Variants in NETO2 observed in about 807,000 individuals in gnomAD.
NETO2 encodes the protein neuropilin and tolloid like 2.
NETO2 carries 28 observed loss-of-function variants against 62.5 expected under a neutral mutation model. That is an observed-to-expected ratio of 0.45 (90% CI 0.33 to 0.61). The LOEUF is 0.61. Ranked by LOEUF, NETO2 falls within the 20% of genes least tolerant of loss-of-function variation. The pLI is 0.02. For synonymous variants in NETO2, 214 were observed against 219.1 expected (o/e 0.98, Z 0.21); for missense variants, 548 against 643.2 (o/e 0.85, Z 1.60).
At chr16:47,119,269 A>G (rs1461020160) in intron 6 of NETO2, among the ~76,000 whole-genome samples, 1 of 150,866 alleles carries the variant, frequency 6.6e-6, no homozygotes, top group Admixed American at 6.6e-5. Context: ...CTCCTGCCTC[A>G]GCCTCCTGAG....
chr16:47,083,190 C>G lies in NETO2; in HGVS notation c.*31G>C, dbSNP rs780988845. 1 of 1,572,406 alleles carries G rather than the reference C, an allele frequency of 6.4e-7. No individual in the cohort carries two copies. Among genetic ancestry groups the G allele is most frequent in the South Asian group, 1.2e-5 (1 of 83,266 alleles). ...CCCTGGAGGCTGCGTACGTACACACCCTAAGAATTCACATCACCATTAGCA... is the reference window on the plus strand; with the variant it reads ...CCCTGGAGGCTGCGTACGTACACACGCTAAGAATTCACATCACCATTAGCA... On this transcript the variant is annotated 3_prime_UTR_variant, in exon 9 of 9. Coordinates refer to ENST00000562435, the MANE Select transcript of NETO2 (RefSeq NM_018092.5).
At position 47,122,756 on chromosome 16, in the gene NETO2, A is replaced by C. The variant is rs751371263; in HGVS notation, c.555T>G (p.Asp185Glu). The stretch of plus-strand genomic sequence containing the variant: ...CTACCTGACTAGAGCGCACTATTCC[A>C]TCAGCTCCCGAGAGCTCGAACTGAC... ...PDCQFELSGA[D>E]GIVRSSQVEQ... The change falls in exon 6 of 9, where the codon GAT becomes GAG. Residue 185 changes from aspartate (D) to glutamate (E), a missense_variant. By Grantham distance (45) the Asp-to-Glu change is conservative. Coordinates refer to ENST00000562435, the MANE Select transcript of NETO2 (RefSeq NM_018092.5). 2 of 1,614,098 alleles carry C rather than the reference A, an allele frequency of 1.2e-6. No individual in the cohort carries two copies. Among genetic ancestry groups the C allele is most frequent in the Non-Finnish European group, 1.7e-6 (2 of 1,180,006 alleles).
intron 4 of NETO2, among the ~76,000 whole-genome samples, chr16:47,127,856 C>T (rs1186907960): frequency 6.6e-6 from 1 of 152,152 alleles, no homozygotes; most frequent in African/African-American, 2.4e-5. Context: ...GAATTCAAAC[C>T]CAGATCTTTG....
intron 7 of NETO2, among the ~76,000 whole-genome samples, chr16:47,094,124 A>C (rs1397130281): frequency 6.6e-6 from 1 of 152,206 alleles, no homozygotes; most frequent in Non-Finnish European, 1.5e-5. Flanking sequence ...ATGTAGATTA[A>C]AGTTAAGGGC....
At chr16:47,112,481 C>T (rs1352605192) in intron 6 of NETO2, among the ~76,000 whole-genome samples, 1 of 152,200 alleles carries the variant, frequency 6.6e-6, no homozygotes, top group African/African-American at 2.4e-5. Context: ...GCCTCAGCCT[C>T]CTGAGTAGTT....
At chr16:47,115,278 T>C (rs764846130) in intron 6 of NETO2, among the ~76,000 whole-genome samples, 1 of 152,204 alleles carries the variant, frequency 6.6e-6, no homozygotes, top group Non-Finnish European at 1.5e-5. Context: ...AATATAGCTG[T>C]GATTTTGATT....
chr16:47,085,381 T>C (rs1362044497), intron 8 of NETO2, among the ~76,000 whole-genome samples: 1 of 143,756 alleles, frequency 7.0e-6, no homozygotes, highest in Non-Finnish European at 1.5e-5. Flanking sequence ...CACGATATAC[T>C]TTTTTTTTTT....
intron 1 of NETO2, among the ~76,000 whole-genome samples, chr16:47,137,962 C>G (rs989417017): frequency 1.1e-4 from 17 of 152,216 alleles, no homozygotes; most frequent in Admixed American, 1.1e-3. Context: ...CACTACCCAG[C>G]TGTGAGAGGC....
chr16:47,083,697 C>T lies in NETO2; in HGVS notation c.1102G>A (p.Val368Ile). The T allele has an allele frequency of 6.2e-7, 1 of 1,614,084 alleles. No homozygotes were observed. The highest frequency in any genetic ancestry group is 8.5e-7 in the Non-Finnish European group (1 of 1,180,004). The change falls in exon 9 of 9, where the codon GTA (valine) becomes ATA (isoleucine). Residue 368 changes from valine to isoleucine, a missense_variant. Coordinates refer to ENST00000562435, the MANE Select transcript of NETO2 (RefSeq NM_018092.5). The part of the protein sequence containing the change: ...VLVLLIISIL[V>I]QVKQPRKKVM... ...TTTTTTCGAGGCTGTTTCACTTGTA[C>T]TAAAATAGAAATAATGAGAAGGACC...
chr16:47,140,743 T>A (rs1161962411), intron 1 of NETO2, among the ~76,000 whole-genome samples: 1 of 152,338 alleles, frequency 6.6e-6, no homozygotes, highest in East Asian at 1.9e-4. Context: ...GTATAACTAG[T>A]TTATAGTCCT....
intron 4 of NETO2, among the ~76,000 whole-genome samples, chr16:47,126,095 C>G (rs1457917340): frequency 6.6e-6 from 1 of 152,240 alleles, no homozygotes; most frequent in African/African-American, 2.4e-5. Flanking sequence ...GCTTTTGCGT[C>G]TGGCTTATCT....
chr16:47,136,869 T>A (rs1306319988), intron 1 of NETO2, among the ~76,000 whole-genome samples: 2 of 151,860 alleles, frequency 1.3e-5, no homozygotes, highest in Admixed American at 1.3e-4. Flanking sequence ...AAAGGTGAAT[T>A]ATGTATATAT....
rs978013586 is a variant in NETO2, at chr16:47,090,297, T to A, written c.884-3958A>T. On this transcript the variant is annotated intron_variant, in intron 7 of 8. Transcript: ENST00000562435. ...AGCACTGATATTGTCAGCTTTTGTT[T>A]CATAGAAATGTGAGTTATATTAATA... Among the ~76,000 whole-genome samples the A allele has an allele frequency of 5.3e-5, 8 of 152,372 alleles. No homozygotes were observed. In the East Asian group the frequency reaches 1.5e-3, roughly 29 times the overall value.
intron 7 of NETO2, among the ~76,000 whole-genome samples, chr16:47,090,661 GGGCCTGCAGGC>G (rs879749834): frequency 6.6e-5 from 10 of 152,048 alleles, no homozygotes; most frequent in Non-Finnish European, 1.5e-4. Flanking sequence ...AGCCTGCAGG[GGGCCTGCAGGC>G]AGTATGTCAC....
At chr16:47,094,087 TG>T (rs1963374220) in intron 7 of NETO2, among the ~76,000 whole-genome samples, 1 of 152,188 alleles carries the variant, frequency 6.6e-6, no homozygotes, top group Admixed American at 6.5e-5. Context: ...AGGAAACAGT[TG>T]GAAGAGGCTA....
At chr16:47,141,840 A>G (rs541593193) in intron 1 of NETO2, among the ~76,000 whole-genome samples, 18 of 152,260 alleles carry the variant, frequency 1.2e-4, no homozygotes, top group African/African-American at 4.1e-4. Context: ...ACAACACTCA[A>G]CGCTTCACCA....
chr16:47,084,605 TGGAGGCAGA>T (rs1963145315), intron 8 of NETO2, among the ~76,000 whole-genome samples: 1 of 152,194 alleles, frequency 6.6e-6, no homozygotes, highest in Non-Finnish European at 1.5e-5. Context: ...ACTCCTGGCT[TGGAGGCAGA>T]AGTCCAATAG....
intron 7 of NETO2, among the ~76,000 whole-genome samples, chr16:47,098,373 T>C (rs1963472397): frequency 6.6e-6 from 1 of 152,060 alleles, no homozygotes; most frequent in East Asian, 1.9e-4. Flanking sequence ...GAGAACTTCG[T>C]GAAGCATATG....
At chr16:47,128,023 A>C (rs1187937556) in intron 4 of NETO2, among the ~76,000 whole-genome samples, 1 of 152,208 alleles carries the variant, frequency 6.6e-6, no homozygotes, top group African/African-American at 2.4e-5. Flanking sequence ...ATTATTTTTA[A>C]AATTATTTAT....
Sources: allele counts gnomAD v4.1 joint callset (sites outside exome capture counted in the v4.1 genomes callset), GRCh38; gene constraint gnomAD v4.1.1; transcripts MANE v1.5; gene names NCBI Gene and HGNC (gene_info 2026-07-23, HGNC 2026-07-21).